The following NLRP5 variants were observed in gnomAD, a reference collection of about 807,000 sequenced individuals.
NLRP5 encodes NLR family pyrin domain containing 5.
Under a neutral mutation model 113.1 loss-of-function variants are expected in NLRP5, and 93 were observed. The ratio of observed to expected loss-of-function variants is 0.82; its 90% CI spans 0.70 to 0.98. NLRP5 has a LOEUF of 0.98. Ranked by LOEUF, NLRP5 falls within the 50% of genes least tolerant of loss-of-function variation. The pLI is 0.00. For synonymous variants in NLRP5, 751 were observed against 600.7 expected, an observed-to-expected ratio of 1.25 and a Z score of -3.66; for missense variants, 1,808 against 1,514.3, an observed-to-expected ratio of 1.19 and a Z score of -3.22.
At chr19:56,026,831 C>G in intron 6 of NLRP5, 82 bp from the exon 7 acceptor site, 3 of 1,419,910 alleles carry the variant, frequency 2.1e-6, no homozygotes, top group Non-Finnish European at 2.9e-6. Flanking sequence ...CCATCTTGAC[C>G]TCCCACAGTG....
At chr19:56,055,538 T>C (rs1410737958) in intron 13 of NLRP5, among the ~76,000 whole-genome samples, 1 of 10,886 alleles carries the variant, frequency 9.2e-5, no homozygotes, top group African/African-American at 1.9e-4. Flanking sequence ...TTTCTCTGTC[T>C]TTTTTTTTTT....
chr19:55,999,770 C>G lies in NLRP5; in HGVS notation c.45C>G (p.Leu15=), dbSNP rs527541988. 7.4e-6 allele frequency: 12 copies of G among 1,613,318 alleles called. No individual in the cohort carries two copies. Among genetic ancestry groups the G allele is most frequent in the Middle Eastern group, 1.6e-4 (1 of 6,080 alleles). The stretch of plus-strand genomic sequence containing the variant: ...TTGAACTTGGAGCTGCTGCTCTGCT[C>G]TCAGCATCACCACGTGCGTCGACAG... The change falls in exon 1 of 15, where the codon CTC becomes CTG. Residue 15 remains leucine (L), a synonymous_variant. Transcript: ENST00000390649.
chr19:55,994,337 T>C, the NLRP5 span, among the ~76,000 whole-genome samples: 1 of 152,224 alleles, frequency 6.6e-6, no homozygotes, highest in Non-Finnish European at 1.5e-5. Flanking sequence ...GAGTTCCTCA[T>C]ATATTCTGGG....
rs749669858 is a variant in NLRP5 at position 56,050,552 on chromosome 19, T to C, written c.3092T>C (p.Val1031Ala). Residue 1031 changes from valine (V) to alanine (A), a missense_variant, in exon 12 of 15, where the codon GTC becomes GCC. Physicochemically the swap from Val to Ala is moderately conservative, Grantham distance 64. Transcript: ENST00000390649. ...AATGGCGTGAAGCTTCTGTGCGAGGTCATGAGAGAACCATCTTGTCATCTC... is the reference window on the plus strand; with the variant it reads ...AATGGCGTGAAGCTTCTGTGCGAGGCCATGAGAGAACCATCTTGTCATCTC... 1.2e-6 allele frequency: 2 copies of C among 1,613,840 alleles called. No individual in the cohort carries two copies. Among genetic ancestry groups the C allele is most frequent in the African/African-American group, 1.3e-5 (1 of 75,002 alleles).
In NLRP5 at chr19:56,037,984, G is replaced by A. The variant is rs756110118; in HGVS notation, c.2616-41G>A. 8 of 1,609,124 alleles carry A rather than the reference G, an allele frequency of 5.0e-6. No individual in the cohort carries two copies. The South Asian group carries it at 7.7e-5, about 16-fold the overall frequency. ...GAGTAGAGGGGAAATGGGCTGCTTT[G>A]GACAAGAGCTGGGATTGCTTCATGC... On this transcript the variant is annotated intron_variant, in intron 9 of 14. Transcript: ENST00000390649.
At chr19:56,059,228 C>T (rs1168703761) in intron 14 of NLRP5, among the ~76,000 whole-genome samples, 1 of 152,210 alleles carries the variant, frequency 6.6e-6, no homozygotes, top group Non-Finnish European at 1.5e-5. Flanking sequence ...AGCTTCCCCT[C>T]TCATTCAGTC....
At position 56,041,045 on chromosome 19, in the gene NLRP5, A is replaced by C; in HGVS notation, c.2910A>C (p.Leu970=). ...GCCTGGGGAACGAAGGTGTAAATCT[A>C]CTGTGTCGATCCATGAGGCTTCCCC... The change falls in exon 11 of 15, where the codon CTA becomes CTC. Residue 970 remains leucine, a synonymous_variant. Transcript: ENST00000390649. The C allele has an allele frequency of 2.5e-6, 4 of 1,613,916 alleles. No homozygotes were observed. Among genetic ancestry groups the C allele is most frequent in the Non-Finnish European group, 3.4e-6 (4 of 1,179,862 alleles).
rs115740093 is a variant in NLRP5, at chr19:56,034,840, C to T, written c.2615+1131C>T. On this transcript the variant is annotated intron_variant, in intron 9 of 14. Coordinates refer to ENST00000390649, the MANE Select transcript of NLRP5 (RefSeq NM_153447.4). ...CACGTTGGTTGGTTGGTTGGTTGGT[C>T]GGTCCCAGTTTGTGGCTCTTACTGT... is the stretch of plus-strand genomic sequence containing the variant. Among the ~76,000 whole-genome samples the T allele has an allele frequency of 8.7e-3, 1,320 of 152,198 alleles. 16 individuals carry two copies. The highest frequency in any genetic ancestry group is 0.028 in the African/African-American group (1,175 of 41,536).
At chr19:56,047,323 G>A (rs985430256) in intron 11 of NLRP5, among the ~76,000 whole-genome samples, 3 of 152,114 alleles carry the variant, frequency 2.0e-5, no homozygotes, top group African/African-American at 7.2e-5. Flanking sequence ...TTGAGGGTGT[G>A]ACCTTATAGT....
intron 7 of NLRP5, among the ~76,000 whole-genome samples, chr19:56,030,506 G>T (rs1983055688): frequency 6.6e-6 from 1 of 152,088 alleles, no homozygotes; most frequent in Admixed American, 6.6e-5. Context: ...TCATGTCAGT[G>T]CAGAAAGAAA....
At chr19:56,033,203 A>T (rs772551864) in intron 8 of NLRP5, among the ~76,000 whole-genome samples, 2 of 152,138 alleles carry the variant, frequency 1.3e-5, no homozygotes, top group Non-Finnish European at 1.5e-5. Context: ...GTGAGCCAAG[A>T]TCGCACCACG....
Position 56,026,944 on chromosome 19 carries a change from T to C in NLRP5, c.711T>C (p.Ser237=). ...GAGGTGACACATGGGACTACAAGAG[T>C]CACGTGATGACCAAATTCGCTGAGG... Residue 237 remains serine, a synonymous_variant, in exon 7 of 15, where the codon AGT becomes AGC. Transcript: ENST00000390649. 1 of 1,551,430 alleles carries C rather than the reference T, an allele frequency of 6.4e-7. No individual in the cohort carries two copies.
chr19:56,046,399 C>CGTGTGT lies in NLRP5; in HGVS notation c.2958-4000_2958-3995dup, dbSNP rs139653516. Among the ~76,000 whole-genome samples the CGTGTGT allele has an allele frequency of 2.6e-3, 391 of 148,176 alleles. 3 individuals are homozygous for CGTGTGT. The highest frequency in any genetic ancestry group is 0.014 in the Middle Eastern group (4 of 284). ...CATCAAGGATATTGCTTTGTAGTTT[C>CGTGTGT]GTGTGTGTGTGTGTGTGTGTGTGTT... On this transcript the variant is annotated intron_variant, in intron 11 of 14. Transcript: ENST00000390649.
rs963059043 is a variant in NLRP5, at chr19:56,015,586, G to A, written c.509-156G>A. On this transcript the variant is annotated intron_variant, in intron 3 of 14. Coordinates refer to ENST00000390649, the MANE Select transcript of NLRP5 (RefSeq NM_153447.4). ...TGAATCTAGTACTTATGTTACTGGCGCACACTGCCCTGGCGCTGAGCCAGT... is the reference window on the plus strand; with the variant it reads ...TGAATCTAGTACTTATGTTACTGGCACACACTGCCCTGGCGCTGAGCCAGT... Among the ~76,000 whole-genome samples the A allele has an allele frequency of 4.6e-5, 7 of 152,248 alleles. No individual in the cohort carries two copies. The South Asian group carries it at 8.3e-4, about 18-fold the overall frequency.
In NLRP5 at chr19:56,032,654, T is replaced by C. The variant is rs370837790; in HGVS notation, c.2320T>C (p.Cys774Arg). The C allele has an allele frequency of 2.4e-5, 38 of 1,613,738 alleles. No individual in the cohort carries two copies. The highest frequency in any genetic ancestry group is 3.0e-5 in the Non-Finnish European group (35 of 1,179,844). Residue 774 changes from cysteine (C) to arginine (R), a missense_variant, in exon 8 of 15, where the codon TGC (cysteine) becomes CGC (arginine). By Grantham distance (180) the Cys-to-Arg change is radical. Transcript: ENST00000390649. ...CATTGAGGAGCAGTGGGAAGATTTC[T>C]GCTCCATGCTTGGCACCCACCCACA...
At chr19:56,042,274 G>A (rs1251334412) in intron 11 of NLRP5, among the ~76,000 whole-genome samples, 3 of 147,492 alleles carry the variant, frequency 2.0e-5, no homozygotes, top group African/African-American at 8.1e-5. Flanking sequence ...TAGTGATACA[G>A]ACACAATACA....
chr19:56,027,816 T>C lies in NLRP5; in HGVS notation c.1583T>C (p.Leu528Pro). 1 of 1,614,004 alleles carries C rather than the reference T, an allele frequency of 6.2e-7. No individual in the cohort carries two copies. Among genetic ancestry groups the C allele is most frequent in the Non-Finnish European group, 8.5e-7 (1 of 1,179,888 alleles). The stretch of plus-strand genomic sequence containing the variant: ...CTCAATCTGGAGGAAAGAGTTGTCC[T>C]GAAGCGCTTCTGCCGTATGGCTGTG... The change falls in exon 7 of 15, where the codon CTG becomes CCG. Residue 528 changes from leucine to proline, a missense_variant. By Grantham distance (98) the Leu-to-Pro change is moderately conservative (BLOSUM62 -3). Transcript: ENST00000390649.
upstream of NLRP5, among the ~76,000 whole-genome samples, chr19:55,997,398 C>T (rs1028566797): frequency 6.6e-6 from 1 of 152,050 alleles, no homozygotes; most frequent in African/African-American, 2.4e-5. Flanking sequence ...TCATGAGAGA[C>T]GTTGGCCTGT....
intron 9 of NLRP5, among the ~76,000 whole-genome samples, chr19:56,034,126 C>T (rs1055461768): frequency 5.9e-5 from 9 of 151,998 alleles, no homozygotes; most frequent in South Asian, 2.1e-4. Flanking sequence ...CGGTGGCTCA[C>T]GCCTGTAATC....
Sources: gnomAD v4.1 joint callset for allele counts (sites outside exome capture counted in the v4.1 genomes callset) on GRCh38, gnomAD v4.1.1 for gene constraint, MANE v1.5 for transcripts, NCBI Gene and HGNC (gene_info 2026-07-23, HGNC 2026-07-21) for gene names.